The following FAM110B variants were observed in gnomAD, a reference collection of about 807,000 sequenced individuals.
FAM110B encodes the protein family with sequence similarity 110 member B.
A neutral mutation model predicts 20.4 loss-of-function variants in FAM110B; 6 were observed. That is an observed-to-expected ratio of 0.29 (90% CI 0.16 to 0.58). FAM110B has a LOEUF of 0.58. Ranked by LOEUF, FAM110B falls within the 20% of genes least tolerant of loss-of-function variation. The pLI is 0.90. For missense variants in FAM110B, 434 were observed against 498.2 expected, an observed-to-expected ratio of 0.87 and a Z score of 1.23; for synonymous variants, 226 against 214.1, an observed-to-expected ratio of 1.06 and a Z score of -0.49.
intron 2 of FAM110B, among the ~76,000 whole-genome samples, chr8:58,033,941 T>C (rs969594871): frequency 6.6e-6 from 1 of 152,116 alleles, no homozygotes; most frequent in Non-Finnish European, 1.5e-5. Flanking sequence ...CTTTCCCTGG[T>C]AGCCTTTGTT....
In FAM110B at chr8:58,014,773, C is replaced by T. The variant is rs997526674; in HGVS notation, c.-511-16833C>T. 5.3e-5 allele frequency among the ~76,000 whole-genome samples: 8 copies of T among 151,934 alleles called. No individual in the cohort carries two copies. In the East Asian group the frequency reaches 5.8e-4, roughly 11 times the overall value. ...AATTATGATTTGGTTTTGGGGTTAT[C>T]GTTTATTAAACATTTTGGACATCTG... On this transcript the variant is annotated intron_variant, in intron 1 of 3. Transcript: ENST00000519262.
chr8:58,074,320 G>A (rs1459435009), intron 2 of FAM110B, among the ~76,000 whole-genome samples: 6 of 151,856 alleles, frequency 4.0e-5, no homozygotes, highest in Non-Finnish European at 8.8e-5. Context: ...GCTTTCCATC[G>A]GTGGGCCCGT....
In FAM110B at chr8:58,098,475, T is replaced by G. The variant is rs186071231; in HGVS notation, c.-325+22852T>G. Among the ~76,000 whole-genome samples the G allele has an allele frequency of 1.4e-3, 210 of 152,334 alleles. 1 individual carries two copies. The highest frequency in any genetic ancestry group is 4.7e-3 in the African/African-American group (197 of 41,584). On this transcript the variant is annotated intron_variant, in intron 3 of 3. Transcript: ENST00000519262. ...TTCAAGCCAGTGGATCTTAGCTTGCTGGGTTCCTTGGGGGTGGGATCCATT... is the reference window on the plus strand; with the variant it reads ...TTCAAGCCAGTGGATCTTAGCTTGCGGGGTTCCTTGGGGGTGGGATCCATT...
At chr8:58,063,116 G>C (rs2150586225) in intron 2 of FAM110B, among the ~76,000 whole-genome samples, 1 of 152,320 alleles carries the variant, frequency 6.6e-6, no homozygotes, top group East Asian at 1.9e-4. Context: ...GCTGCACCAT[G>C]TAGGCAGGCA....
intron 1 of FAM110B, among the ~76,000 whole-genome samples, chr8:58,000,071 G>A (rs1804262066): frequency 6.6e-6 from 1 of 152,188 alleles, no homozygotes; most frequent in African/African-American, 2.4e-5. Context: ...TATAAAACGA[G>A]TATTTATTTT....
chr8:58,016,561 G>T (rs1804640959), intron 1 of FAM110B, among the ~76,000 whole-genome samples: 2 of 152,194 alleles, frequency 1.3e-5, no homozygotes, highest in African/African-American at 4.8e-5. Context: ...CTGCTTGGTT[G>T]CAGGTCAAAT....
At chr8:58,068,280 C>G (rs1396556025) in intron 2 of FAM110B, among the ~76,000 whole-genome samples, 1 of 152,250 alleles carries the variant, frequency 6.6e-6, no homozygotes, top group Non-Finnish European at 1.5e-5. Flanking sequence ...CAAGGTAGCA[C>G]ACACAGCTCT....
At chr8:58,042,530 T>C (rs1805242494) in intron 2 of FAM110B, among the ~76,000 whole-genome samples, 1 of 152,232 alleles carries the variant, frequency 6.6e-6, no homozygotes. Flanking sequence ...CCCCGTCTTA[T>C]TTCTTCCAAG....
intron 2 of FAM110B, among the ~76,000 whole-genome samples, chr8:58,059,144 T>C (rs1248028138): frequency 1.3e-5 from 2 of 152,230 alleles, no homozygotes; most frequent in Non-Finnish European, 2.9e-5. Context: ...TGGTGAATAA[T>C]ATCCATTGTC....
At chr8:58,083,629 G>A (rs535343707) in intron 3 of FAM110B, among the ~76,000 whole-genome samples, 6 of 152,154 alleles carry the variant, frequency 3.9e-5, no homozygotes, top group African/African-American at 1.4e-4. Context: ...ACCTTTAAAA[G>A]CCCACACTCC....
intron 1 of FAM110B, among the ~76,000 whole-genome samples, chr8:57,997,992 A>T (rs1277611051): frequency 1.3e-5 from 2 of 152,232 alleles, no homozygotes; most frequent in Admixed American, 6.5e-5. Flanking sequence ...CTGTCATGCC[A>T]GGAGGAATAA....
At chr8:58,138,716 C>G (rs958691392) in intron 3 of FAM110B, among the ~76,000 whole-genome samples, 1 of 152,214 alleles carries the variant, frequency 6.6e-6, no homozygotes, top group African/African-American at 2.4e-5. Context: ...AGTCCACTCC[C>G]TCCTGACTTG....
Position 58,146,225 on chromosome 8 carries a change from C to T in FAM110B, c.-6C>T, listed in dbSNP as rs1803859651. The T allele has an allele frequency of 6.3e-7, 1 of 1,585,028 alleles. No homozygotes were observed. The highest frequency in any genetic ancestry group is 1.7e-5 in the Admixed American group (1 of 57,808). On this transcript the variant is annotated 5_prime_UTR_variant, in exon 4 of 4. Coordinates refer to ENST00000519262, the MANE Select transcript of FAM110B (RefSeq NM_001377989.1). The stretch of plus-strand genomic sequence containing the variant: ...CAACACGGCTGCCGGGGAAAGACCG[C>T]CCACCATGCCCACGGAGACCCTACA...
chr8:58,075,315 C>T (rs1806011258), intron 2 of FAM110B, among the ~76,000 whole-genome samples: 1 of 127,670 alleles, frequency 7.8e-6, no homozygotes, highest in Non-Finnish European at 1.5e-5. Context: ...TACAGGGTTT[C>T]ATCATGTTGG....
At chr8:58,131,138 C>T (rs188957068) in intron 3 of FAM110B, among the ~76,000 whole-genome samples, 1 of 152,330 alleles carries the variant, frequency 6.6e-6, no homozygotes, top group Admixed American at 6.5e-5. Context: ...CATATAACCG[C>T]CTGACACCTA....
intron 1 of FAM110B, among the ~76,000 whole-genome samples, chr8:58,024,150 A>C (rs972162358): frequency 6.7e-6 from 1 of 149,442 alleles, no homozygotes; most frequent in Admixed American, 6.6e-5. Flanking sequence ...ATTTGAGTAA[A>C]TTTAATGAAA....
intron 3 of FAM110B, among the ~76,000 whole-genome samples, chr8:58,090,211 G>A (rs1806439547): frequency 6.6e-6 from 1 of 152,210 alleles, no homozygotes; most frequent in African/African-American, 2.4e-5. Flanking sequence ...CCAGGCTGGA[G>A]TGTGGTGGCG....
chr8:58,019,619 A>G (rs72660377), intron 1 of FAM110B, among the ~76,000 whole-genome samples: 2,360 of 152,134 alleles, frequency 0.016, 24 homozygotes, highest in Non-Finnish European at 0.024. Context: ...AGTATGTAGT[A>G]TTCTAGGTTG....
chr8:58,055,768 C>G (rs1157687491), intron 2 of FAM110B, among the ~76,000 whole-genome samples: 1 of 152,232 alleles, frequency 6.6e-6, no homozygotes, highest in East Asian at 1.9e-4. Flanking sequence ...CACTCTACTT[C>G]TAGCTATGAT....
Sources: gnomAD v4.1 joint callset for allele counts (sites outside exome capture counted in the v4.1 genomes callset) on GRCh38, gnomAD v4.1.1 for gene constraint, MANE v1.5 for transcripts, NCBI Gene and HGNC (gene_info 2026-07-23, HGNC 2026-07-21) for gene names.